Variants in EIF4E3 observed in about 807,000 individuals in gnomAD.
The protein encoded by EIF4E3 is eukaryotic translation initiation factor 4E type 3.
Under a neutral mutation model 31.7 loss-of-function variants are expected in EIF4E3, and 26 were observed. The ratio of observed to expected loss-of-function variants is 0.82; its 90% CI spans 0.60 to 1.14. The LOEUF (loss-of-function observed/expected upper bound fraction) is 1.14. EIF4E3 is among the 50% of genes most tolerant of loss of function. The pLI, the probability that EIF4E3 is intolerant of heterozygous loss-of-function variation, is 0.00. For synonymous variants in EIF4E3, 128 were observed against 107.7 expected (o/e 1.19, Z -1.17); for missense variants, 304 against 270.9 (o/e 1.12, Z -0.86).
downstream of EIF4E3, among the ~76,000 whole-genome samples, chr3:71,674,082 CAACTG>C (rs1419197358): frequency 5.6e-5 from 6 of 107,218 alleles, no homozygotes; most frequent in Admixed American, 1.0e-4. Context: ...ACATTTTCAT[CAACTG>C]TACTTTTTTT....
intron 1 of EIF4E3, among the ~76,000 whole-genome samples, chr3:71,738,374 C>T (rs1450330727): frequency 6.6e-6 from 1 of 151,644 alleles, no homozygotes; most frequent in Non-Finnish European, 1.5e-5. Context: ...AAATACACAA[C>T]AGCAAAAAAA....
intron 2 of EIF4E3, among the ~76,000 whole-genome samples, chr3:71,703,754 G>A (rs2049250569): frequency 7.2e-6 from 1 of 138,406 alleles, no homozygotes; most frequent in African/African-American, 2.8e-5. Flanking sequence ...AGACAACAAA[G>A]TGATATGTCT....
intron 1 of EIF4E3, among the ~76,000 whole-genome samples, chr3:71,710,733 T>C (rs368597282): frequency 2.0e-5 from 3 of 152,292 alleles, no homozygotes; most frequent in African/African-American, 7.2e-5. Context: ...TAAGTATGTA[T>C]TAATAAGAAA....
At chr3:71,741,585 C>A (rs1037010655) in intron 1 of EIF4E3, among the ~76,000 whole-genome samples, 1 of 152,202 alleles carries the variant, frequency 6.6e-6, no homozygotes, top group Admixed American at 6.5e-5. Flanking sequence ...GATTTCAACA[C>A]TCATCTCTCA....
At chr3:71,724,483 C>T (rs537643544) in intron 1 of EIF4E3, among the ~76,000 whole-genome samples, 1 of 152,156 alleles carries the variant, frequency 6.6e-6, no homozygotes, top group Non-Finnish European at 1.5e-5. Flanking sequence ...ATTTTAGATA[C>T]GGTAGTCAGG....
rs538384503 is a variant in EIF4E3, at chr3:71,724,551, C to G, written c.176+641G>C. On this transcript the variant is annotated intron_variant, in intron 1 of 6. Coordinates refer to ENST00000425534, the MANE Select transcript of EIF4E3 (RefSeq NM_001134651.2). ...CCCTTGAGAAAGCCATAATTCACCCCCTTCCTGACAAGGTCAGCTGCTGCT... is the reference window on the plus strand; with the variant it reads ...CCCTTGAGAAAGCCATAATTCACCCGCTTCCTGACAAGGTCAGCTGCTGCT... 3.3e-5 allele frequency among the ~76,000 whole-genome samples: 5 copies of G among 152,308 alleles called. No homozygotes were observed. In the East Asian group the frequency reaches 7.7e-4, roughly 23 times the overall value.
downstream of EIF4E3, among the ~76,000 whole-genome samples, chr3:71,673,604 T>C (rs1343427765): frequency 6.6e-6 from 1 of 151,998 alleles, no homozygotes; most frequent in East Asian, 1.9e-4. Flanking sequence ...CATTCAAACA[T>C]GCATTGCATT....
chr3:71,750,032 T>A (rs1411578512), intron 1 of EIF4E3, among the ~76,000 whole-genome samples: 3 of 152,228 alleles, frequency 2.0e-5, no homozygotes, highest in Non-Finnish European at 4.4e-5. Flanking sequence ...CTTCTGCTAT[T>A]TGAGCCTGGG....
chr3:71,721,938 G>C (rs1386545599), intron 1 of EIF4E3, among the ~76,000 whole-genome samples: 1 of 152,150 alleles, frequency 6.6e-6, no homozygotes, highest in Non-Finnish European at 1.5e-5. Context: ...CAGTGGCTAA[G>C]GTCCCTGCTT....
At chr3:71,713,477 C>A (rs1260199158) in intron 1 of EIF4E3, among the ~76,000 whole-genome samples, 1 of 151,978 alleles carries the variant, frequency 6.6e-6, no homozygotes, top group Non-Finnish European at 1.5e-5. Context: ...CACTCTGTTG[C>A]CCAGGCTGGA....
At chr3:71,700,611 T>TAA (rs1335637819) in intron 2 of EIF4E3, among the ~76,000 whole-genome samples, 6 of 92,760 alleles carry the variant, frequency 6.5e-5, no homozygotes, top group African/African-American at 2.9e-4. Context: ...GAGACTCCGT[T>TAA]TAAAAAAAAA....
intron 5 of EIF4E3, among the ~76,000 whole-genome samples, chr3:71,693,046 G>A (rs1183648184): frequency 6.6e-6 from 1 of 152,162 alleles, no homozygotes; most frequent in Non-Finnish European, 1.5e-5. Flanking sequence ...TAAGACATCT[G>A]AGGGACAACT....
intron 5 of EIF4E3, among the ~76,000 whole-genome samples, chr3:71,693,537 A>G (rs944216590): frequency 6.6e-6 from 1 of 152,194 alleles, no homozygotes; most frequent in East Asian, 1.9e-4. Flanking sequence ...CAATTGTGTT[A>G]AGGGCCCAGT....
chr3:71,668,812 T>G, the EIF4E3 span, among the ~76,000 whole-genome samples: 1 of 152,302 alleles, frequency 6.6e-6, no homozygotes, highest in East Asian at 1.9e-4. Flanking sequence ...GTAAATTAGT[T>G]CAACCATTGT....
chr3:71,744,928 ACAGCTGTGCAGGGAG>A (rs1305649637), intron 1 of EIF4E3, among the ~76,000 whole-genome samples: 1 of 152,190 alleles, frequency 6.6e-6, no homozygotes, highest in African/African-American at 2.4e-5. Flanking sequence ...TGCCAGGGCC[ACAGCTGTGCAGGGAG>A]CTGTCCAGAC....
chr3:71,719,535 GAAA>G (rs1007923173), intron 1 of EIF4E3, among the ~76,000 whole-genome samples: 3 of 126,328 alleles, frequency 2.4e-5, no homozygotes, highest in Non-Finnish European at 5.1e-5. Context: ...CCTTTCTGAT[GAAA>G]AAAAAAAAAA....
chr3:71,725,314 C>A lies in EIF4E3; in HGVS notation c.54G>T (p.Gly18=), dbSNP rs1178257427. 2.0e-6 allele frequency: 2 copies of A among 976,462 alleles called. No homozygotes were observed. The highest frequency in any genetic ancestry group is 2.4e-6 in the Non-Finnish European group (2 of 822,648). 60.5% of individuals were successfully genotyped at this position (976,462 alleles called of 1,614,324 possible). A position where few individuals can be genotyped will look rare whatever the true frequency, so the allele number is the denominator to read the frequency against. The change falls in exon 1 of 7, where the codon GGG becomes GGT. Residue 18 remains glycine (G), a synonymous_variant. Coordinates refer to ENST00000425534, the MANE Select transcript of EIF4E3 (RefSeq NM_001134651.2). This position sits in a 1 kb window ranked among gnomAD's most constrained non-coding sequence, Gnocchi z 6.1. The part of the protein sequence containing the change: ...APPAGAREPP[G]SRAAAAAAAP... The stretch of plus-strand genomic sequence containing the variant: ...CGGCGGCAGCGGCGGCGGCGCGGGA[C>A]CCCGGCGGCTCCCGGGCCCCGGCGG...
chr3:71,738,504 G>A (rs770077118), intron 1 of EIF4E3, among the ~76,000 whole-genome samples: 3 of 152,170 alleles, frequency 2.0e-5, no homozygotes, highest in Non-Finnish European at 4.4e-5. Context: ...ACAAAGTTAA[G>A]AGTAGCTATA....
In EIF4E3 at chr3:71,693,924, C is replaced by A; in HGVS notation, c.423G>T (p.Glu141Asp). The A allele has an allele frequency of 6.3e-7, 1 of 1,584,990 alleles. No homozygotes were observed. Among genetic ancestry groups the A allele is most frequent in the Non-Finnish European group, 8.6e-7 (1 of 1,165,232 alleles). Residue 141 changes from glutamate to aspartate, a missense_variant, in exon 5 of 7, where the codon GAG becomes GAT. Transcript: ENST00000425534. The part of the protein sequence containing the change: ...PKDSTSTVWK[E>D]LLLATIGEQF... ...GTTCCCCGATGGTTGCTAACAGCAACTCTTTCCAAACTGTGGACTGATATG... is the reference window on the plus strand; with the variant it reads ...GTTCCCCGATGGTTGCTAACAGCAAATCTTTCCAAACTGTGGACTGATATG...
Sources: allele counts gnomAD v4.1 joint callset (sites outside exome capture counted in the v4.1 genomes callset), GRCh38; gene constraint gnomAD v4.1.1; non-coding constraint Gnocchi (gnomAD v3.1); transcripts MANE v1.5; gene names NCBI Gene and HGNC (gene_info 2026-07-23, HGNC 2026-07-21).